Variants in DCDC1 observed in about 807,000 individuals in gnomAD.
DCDC1 encodes the protein doublecortin domain containing 1.
A neutral mutation model predicts 178.3 loss-of-function variants in DCDC1; 200 were observed. The ratio of observed to expected loss-of-function variants is 1.12; its 90% CI spans 1.00 to 1.26. DCDC1 has a LOEUF of 1.26. Ranked by LOEUF, DCDC1 falls within the 50% of genes most tolerant of loss-of-function variation. The pLI is 0.00. For missense variants in DCDC1, 1,983 were observed against 1,749.2 expected (o/e 1.13, Z -2.38); for synonymous variants, 690 against 604.8 (o/e 1.14, Z -2.07).
intron 21 of DCDC1, chr11:30,943,320 T>C (rs1171574769): frequency 1.2e-5 from 2 of 163,592 alleles, no homozygotes; most frequent in Non-Finnish European, 2.7e-5. Context: ...AACAATATAA[T>C]ATATTCTTCA....
Position 31,136,787 on chromosome 11 carries a change from A to G in DCDC1, c.1314+905T>C, listed in dbSNP as rs12277241. On this transcript the variant is annotated intron_variant, in intron 10 of 38. Coordinates refer to ENST00000684477, the MANE Select transcript of DCDC1 (RefSeq NM_001387274.1). The stretch of plus-strand genomic sequence containing the variant: ...CATTTTCCCCTTTTGTCTAACACCA[A>G]TTTTGTATTATTTCATTTATGGACT... Among the ~76,000 whole-genome samples, 847 of 152,174 alleles carry G rather than the reference A, an allele frequency of 5.6e-3. 10 individuals carry two copies. Among genetic ancestry groups the G allele is most frequent in the African/African-American group, 0.019 (804 of 41,548 alleles).
chr11:31,124,740 T>C (rs1480453730), intron 11 of DCDC1, among the ~76,000 whole-genome samples: 10 of 152,088 alleles, frequency 6.6e-5, no homozygotes, highest in East Asian at 3.9e-4. Flanking sequence ...TAGGAGGAAA[T>C]TGAAACTGGA....
chr11:31,045,888 C>A (rs1013132959), intron 20 of DCDC1, among the ~76,000 whole-genome samples: 2 of 152,116 alleles, frequency 1.3e-5, no homozygotes, highest in Non-Finnish European at 2.9e-5. Context: ...CAGTCCCAAA[C>A]CCATTTTCCA....
At chr11:31,246,937 CAT>C (rs1417085120) in intron 8 of DCDC1, among the ~76,000 whole-genome samples, 1 of 152,030 alleles carries the variant, frequency 6.6e-6, no homozygotes, top group African/African-American at 2.4e-5. Flanking sequence ...ATGACAAGCA[CAT>C]GATTGCTATA....
intron 21 of DCDC1, among the ~76,000 whole-genome samples, chr11:30,945,200 C>A (rs373885206): frequency 6.6e-6 from 1 of 151,598 alleles, no homozygotes; most frequent in Non-Finnish European, 1.5e-5. Context: ...AACTCCTGAC[C>A]TCATGATCTG....
chr11:31,257,868 C>A (rs1944521912), intron 8 of DCDC1, among the ~76,000 whole-genome samples: 1 of 152,050 alleles, frequency 6.6e-6, no homozygotes, highest in Non-Finnish European at 1.5e-5. Context: ...GTAACTGGGA[C>A]CCAGTGAAAC....
rs539904070 is a variant in DCDC1 at position 31,333,212 on chromosome 11, T to C, written c.-7+2235A>G. On this transcript the variant is annotated intron_variant, in intron 2 of 38. Coordinates refer to ENST00000684477, the MANE Select transcript of DCDC1 (RefSeq NM_001387274.1). Reference sequence around the variant, plus strand: ...GAGACTAGGTTTGCAACCCCTGCTCTTTTTTTGCTCTCCATTTGCTTGGTA... The same window carrying C: ...GAGACTAGGTTTGCAACCCCTGCTCCTTTTTTGCTCTCCATTTGCTTGGTA... 2.4e-4 allele frequency among the ~76,000 whole-genome samples: 36 copies of C among 152,264 alleles called. No individual in the cohort carries two copies. The East Asian group carries it at 6.8e-3, about 29-fold the overall frequency.
At chr11:30,918,371 T>C (rs1418383912) in intron 25 of DCDC1, among the ~76,000 whole-genome samples, 1 of 152,204 alleles carries the variant, frequency 6.6e-6, no homozygotes, top group Non-Finnish European at 1.5e-5. Context: ...CAATATTTAT[T>C]GAACATCTAC....
chr11:31,097,134 A>G (rs771906786), intron 15 of DCDC1, among the ~76,000 whole-genome samples: 5 of 152,230 alleles, frequency 3.3e-5, no homozygotes, highest in Non-Finnish European at 5.9e-5. Flanking sequence ...TTTCTGAATA[A>G]ACTGTGCTGA....
intron 9 of DCDC1, among the ~76,000 whole-genome samples, chr11:31,176,405 C>T (rs997767038): frequency 5.3e-5 from 8 of 151,926 alleles, no homozygotes; most frequent in Non-Finnish European, 1.2e-4. Context: ...TATAGAACAT[C>T]GTTAAACAAA....
At chr11:31,238,685 A>G (rs1420036671) in intron 9 of DCDC1, among the ~76,000 whole-genome samples, 1 of 152,150 alleles carries the variant, frequency 6.6e-6, no homozygotes, top group Non-Finnish European at 1.5e-5. Flanking sequence ...ACTACATTTC[A>G]TAGGAATGCG....
chr11:31,066,555 G>T (rs1956262182), intron 18 of DCDC1, among the ~76,000 whole-genome samples: 1 of 152,166 alleles, frequency 6.6e-6, no homozygotes, highest in Non-Finnish European at 1.5e-5. Context: ...TGGAAAAATA[G>T]ATACTAAATA....
intron 17 of DCDC1, among the ~76,000 whole-genome samples, chr11:31,089,649 T>G (rs1436272451): frequency 1.3e-5 from 2 of 150,444 alleles, no homozygotes; most frequent in Non-Finnish European, 3.0e-5. Context: ...TTCTCTCCGG[T>G]TTTCCTTGTG....
intron 36 of DCDC1, among the ~76,000 whole-genome samples, chr11:30,888,645 AGGC>A (rs1208819252): frequency 3.3e-5 from 5 of 152,314 alleles, no homozygotes; most frequent in African/African-American, 1.2e-4. Flanking sequence ...TGAACCCAGG[AGGC>A]GGAGGTTTCA....
intron 12 of DCDC1, among the ~76,000 whole-genome samples, chr11:31,107,297 C>T (rs1199921548): frequency 6.6e-6 from 1 of 152,152 alleles, no homozygotes; most frequent in Non-Finnish European, 1.5e-5. Context: ...AAGGGTTACG[C>T]TTTTCTTGTC....
intron 11 of DCDC1, among the ~76,000 whole-genome samples, chr11:31,121,716 G>A (rs751719154): frequency 1.3e-5 from 2 of 151,704 alleles, no homozygotes; most frequent in African/African-American, 2.4e-5. Context: ...GATGATGTTG[G>A]CTACAATACA....
intron 6 of DCDC1, among the ~76,000 whole-genome samples, chr11:31,294,508 G>A (rs978711784): frequency 6.7e-5 from 10 of 148,418 alleles, no homozygotes; most frequent in Middle Eastern, 3.4e-3. Flanking sequence ...GCTTGAACTC[G>A]GGAGGCAGAG....
rs1052300977 is a variant in DCDC1, at chr11:31,281,800, G to A, written c.960+8847C>T. 6.6e-5 allele frequency among the ~76,000 whole-genome samples: 10 copies of A among 152,224 alleles called. No homozygotes were observed. In the East Asian group the frequency reaches 7.7e-4, roughly 12 times the overall value. On this transcript the variant is annotated intron_variant, in intron 7 of 38. Coordinates refer to ENST00000684477, the MANE Select transcript of DCDC1 (RefSeq NM_001387274.1). ...CCCTCTTGCCACCACCATGTGAGAC[G>A]TGCTGTTTGCCTTCCACCATGATTA...
intron 8 of DCDC1, among the ~76,000 whole-genome samples, chr11:31,255,939 G>C (rs978963207): frequency 6.6e-6 from 1 of 152,058 alleles, no homozygotes; most frequent in Non-Finnish European, 1.5e-5. Flanking sequence ...GTTTATTTCT[G>C]AGTTTTATGG....
Sources: gnomAD v4.1 joint callset for allele counts (sites outside exome capture counted in the v4.1 genomes callset) on GRCh38, gnomAD v4.1.1 for gene constraint, MANE v1.5 for transcripts, NCBI Gene and HGNC (gene_info 2026-07-23, HGNC 2026-07-21) for gene names.